Variants in PRKAR1B observed in about 807,000 individuals in gnomAD.
PRKAR1B encodes the protein cAMP-dependent protein kinase type I-beta regulatory subunit.
A neutral mutation model predicts 46.5 loss-of-function variants in PRKAR1B; 22 were observed. The ratio of observed to expected loss-of-function variants is 0.47; its 90% CI spans 0.34 to 0.68. The LOEUF (loss-of-function observed/expected upper bound fraction) is 0.68. PRKAR1B is among the 30% of genes least tolerant of loss of function. The probability of loss-of-function intolerance (pLI) is 0.01; values close to 1 mark genes in which losing one functional copy is unlikely to be tolerated. For missense variants in PRKAR1B, 445 were observed against 535.6 expected, an observed-to-expected ratio of 0.83 and a Z score of 1.67; for synonymous variants, 259 against 217.7, an observed-to-expected ratio of 1.19 and a Z score of -1.67.
rs1450912255 is a variant in PRKAR1B at position 560,682 on chromosome 7, G to T, written c.892-9212C>A. Among the ~76,000 whole-genome samples the T allele has an allele frequency of 2.6e-5, 4 of 152,224 alleles. No individual in the cohort carries two copies. In the East Asian group the frequency reaches 7.7e-4, roughly 29 times the overall value. On this transcript the variant is annotated intron_variant, in intron 9 of 10. Transcript: ENST00000537384. This position sits in a 1 kb window ranked among gnomAD's most constrained non-coding sequence, Gnocchi z 4.2. The stretch of plus-strand genomic sequence containing the variant: ...CAGCCAGTCTCAGGCAAGGCCCATA[G>T]CTGCTCCAGCCTCAGCTGCCTCATC...
intron 2 of PRKAR1B, among the ~76,000 whole-genome samples, chr7:684,709 G>C (rs1032426538): frequency 2.0e-5 from 3 of 152,174 alleles, no homozygotes; most frequent in African/African-American, 7.2e-5. Context: ...CAGGAGCCCA[G>C]GTGTCCTGTG....
At chr7:685,252 T>A (rs1385541506) in intron 2 of PRKAR1B, among the ~76,000 whole-genome samples, 100 of 87,862 alleles carry the variant, frequency 1.1e-3, no homozygotes, top group African/African-American at 3.9e-3. Context: ...ATAACACGTT[T>A]TATATATACA....
Position 594,144 on chromosome 7 carries a change from G to A in PRKAR1B, c.708+2002C>T, listed in dbSNP as rs192808407. ...ACTCTCCCCAGTCCTGCCCTTGGGC[G>A]TCCTGGAACTGTGGCTCCCTCCTTA... is the stretch of plus-strand genomic sequence containing the variant. On this transcript the variant is annotated intron_variant, in intron 7 of 10. Coordinates refer to ENST00000537384, the MANE Select transcript of PRKAR1B (RefSeq NM_001164760.2). 5.9e-3 allele frequency among the ~76,000 whole-genome samples: 900 copies of A among 152,246 alleles called. 5 individuals are homozygous for A. The highest frequency in any genetic ancestry group is 9.4e-3 in the Non-Finnish European group (640 of 68,006).
intron 7 of PRKAR1B, among the ~76,000 whole-genome samples, chr7:589,894 G>A (rs1780880514): frequency 6.6e-6 from 1 of 152,246 alleles, no homozygotes; most frequent in South Asian, 2.1e-4. Flanking sequence ...GAGCCGGGAC[G>A]ATCCAGCCCC....
chr7:637,836 A>AAAAAT (rs1554296873), intron 4 of PRKAR1B, among the ~76,000 whole-genome samples: 36 of 151,942 alleles, frequency 2.4e-4, no homozygotes, highest in African/African-American at 8.0e-4. Flanking sequence ...TCCATCTAAA[A>AAAAAT]AAATAAATAA....
Position 579,301 on chromosome 7 carries a change from A to G in PRKAR1B, c.846T>C (p.Ile282=), listed in dbSNP as rs3211362. ...CGTCCCCAGGCTCTCCCTGGACCACAATTTTCTCTCCATCTTCAAACTGGA... is the reference window on the plus strand; with the variant it reads ...CGTCCCCAGGCTCTCCCTGGACCACGATTTTCTCTCCATCTTCAAACTGGA... ...EPVQFEDGEK[I]VVQGEPGDDF... is the part of the protein sequence containing the mutation. Residue 282 remains isoleucine, a synonymous_variant, in exon 9 of 11, where the codon ATT becomes ATC. Coordinates refer to ENST00000537384, the MANE Select transcript of PRKAR1B (RefSeq NM_001164760.2). 0.39 allele frequency: 635,162 copies of G among 1,613,818 alleles called. 129,963 individuals are homozygous for G. The highest frequency in any genetic ancestry group is 0.51 in the African/African-American group (37,931 of 74,976).
chr7:594,785 C>T (rs954075147), intron 7 of PRKAR1B, among the ~76,000 whole-genome samples: 1 of 151,834 alleles, frequency 6.6e-6, no homozygotes. Context: ...ATGAGAGGAC[C>T]CCAAATTATG....
chr7:639,357 C>T (rs1045743411), intron 4 of PRKAR1B, among the ~76,000 whole-genome samples: 6 of 152,174 alleles, frequency 3.9e-5, no homozygotes, highest in Admixed American at 6.5e-5. Flanking sequence ...TTCAACAAAT[C>T]GTGCTGGGAC....
At chr7:591,415 G>A (rs188661374) in intron 7 of PRKAR1B, among the ~76,000 whole-genome samples, 32 of 152,124 alleles carry the variant, frequency 2.1e-4, no homozygotes, top group African/African-American at 6.5e-4. Flanking sequence ...CGGGGAGGGC[G>A]GGGGCGCTAG....
rs551518182 is a variant in PRKAR1B at position 689,338 on chromosome 7, G to A, written c.178-8612C>T. Among the ~76,000 whole-genome samples the A allele has an allele frequency of 2.0e-3, 309 of 152,010 alleles. 1 individual carries two copies. The highest frequency in any genetic ancestry group is 7.2e-3 in the African/African-American group (297 of 41,438). On this transcript the variant is annotated intron_variant, in intron 2 of 10. Transcript: ENST00000537384. ...GGGCTTCATCATATTAGCCAGGATG[G>A]TCTCGATCTCCTGACCTTGTGATCC...
At chr7:592,611 G>A (rs1323296725) in intron 7 of PRKAR1B, among the ~76,000 whole-genome samples, 2 of 152,230 alleles carry the variant, frequency 1.3e-5, no homozygotes, top group Non-Finnish European at 2.9e-5. Context: ...AGGTTCCAAG[G>A]GGGTCTTGGG....
chr7:587,864 C>T (rs576823317), intron 7 of PRKAR1B, among the ~76,000 whole-genome samples: 47 of 152,306 alleles, frequency 3.1e-4, no homozygotes, highest in Non-Finnish European at 6.0e-4. Flanking sequence ...AGGAAAGGCA[C>T]GTGATGTTAA....
intron 7 of PRKAR1B, among the ~76,000 whole-genome samples, chr7:587,296 C>T (rs1583253479): frequency 6.6e-6 from 1 of 152,316 alleles, no homozygotes; most frequent in South Asian, 2.1e-4. Flanking sequence ...GAATGGAGAT[C>T]GCAATCAGGC....
chr7:623,022 G>A (rs1448689245), intron 4 of PRKAR1B, among the ~76,000 whole-genome samples: 2 of 152,152 alleles, frequency 1.3e-5, no homozygotes, highest in African/African-American at 4.8e-5. Context: ...CAGACCCTGG[G>A]TGCTGGCATC....
chr7:563,699 GGTGTGTGCATGTGT>G (rs992102520), intron 9 of PRKAR1B, among the ~76,000 whole-genome samples: 7 of 151,984 alleles, frequency 4.6e-5, no homozygotes, highest in African/African-American at 7.3e-5. Context: ...ATGTCTGTGC[GGTGTGTGCATGTGT>G]GTGTGTGCAT....
At chr7:589,821 G>A (rs1043408181) in intron 7 of PRKAR1B, among the ~76,000 whole-genome samples, 3 of 152,222 alleles carry the variant, frequency 2.0e-5, no homozygotes, top group South Asian at 2.1e-4. Flanking sequence ...GCACCCTCAC[G>A]TGAGACTGGA....
chr7:696,148 A>G (rs61517630), intron 2 of PRKAR1B, among the ~76,000 whole-genome samples: 5 of 150,472 alleles, frequency 3.3e-5, no homozygotes, highest in Non-Finnish European at 5.9e-5. Context: ...AAATTTTTTT[A>G]TTATTATTTG....
chr7:695,686 C>T (rs1360419346), intron 2 of PRKAR1B, among the ~76,000 whole-genome samples: 1 of 151,378 alleles, frequency 6.6e-6, no homozygotes, highest in Non-Finnish European at 1.5e-5. Context: ...TTTTTTGAGA[C>T]GGAGTCTCGC....
At chr7:688,771 G>A (rs1562618317) in intron 2 of PRKAR1B, among the ~76,000 whole-genome samples, 3 of 152,154 alleles carry the variant, frequency 2.0e-5, no homozygotes, top group South Asian at 4.1e-4. Context: ...ATTGCTGTGA[G>A]CAGCAATCTC....
Sources: allele counts gnomAD v4.1 joint callset (sites outside exome capture counted in the v4.1 genomes callset), GRCh38; gene constraint gnomAD v4.1.1; non-coding constraint Gnocchi (gnomAD v3.1); transcripts MANE v1.5; gene names NCBI Gene and HGNC (gene_info 2026-07-23, HGNC 2026-07-21).